The following AXL variants were observed in gnomAD, a reference collection of about 807,000 sequenced individuals.
AXL encodes the protein tyrosine-protein kinase receptor UFO.
Under a neutral mutation model 104.5 loss-of-function variants are expected in AXL, and 52 were observed. The observed-to-expected ratio is 0.50, with a 90% CI of 0.40 to 0.63. The LOEUF is 0.63. Among genes scored for constraint, AXL ranks in the 20% least tolerant of loss-of-function variants. The pLI, the probability that AXL is intolerant of heterozygous loss-of-function variation, is 0.00. For missense variants in AXL, 1,024 were observed against 1,188.5 expected (o/e 0.86, Z 2.04); for synonymous variants, 455 against 473.7 (o/e 0.96, Z 0.51).
At chr19:41,240,783 A>G (rs2034168574) in intron 10 of AXL, among the ~76,000 whole-genome samples, 1 of 152,072 alleles carries the variant, frequency 6.6e-6, no homozygotes, top group Admixed American at 6.6e-5. Context: ...CCTTGTATGC[A>G]CTTACCATAC....
At chr19:41,257,790 A>G (rs557490980) in intron 19 of AXL, among the ~76,000 whole-genome samples, 161 bp downstream of exon 19, 2 of 152,280 alleles carry the variant, frequency 1.3e-5, no homozygotes, top group Non-Finnish European at 2.9e-5. Flanking sequence ...TAGGGCCATC[A>G]CTAACCAGTG....
chr19:41,235,230 A>G (rs2034057760), intron 6 of AXL, among the ~76,000 whole-genome samples: 2 of 152,092 alleles, frequency 1.3e-5, no homozygotes, highest in Admixed American at 6.6e-5. Flanking sequence ...GCATGCCTGT[A>G]ATCCTAGCTA....
intron 6 of AXL, among the ~76,000 whole-genome samples, chr19:41,231,930 A>G (rs2033995850): frequency 7.1e-6 from 1 of 140,484 alleles, no homozygotes; most frequent in South Asian, 2.6e-4. Context: ...CTGTCTCAAA[A>G]AAAAAAAAGA....
chr19:41,259,460 G>A, intron 19 of AXL, 93 bp from the exon 20 acceptor site: 1 of 1,104,934 alleles, frequency 9.1e-7, no homozygotes, highest in Non-Finnish European at 1.3e-6. Flanking sequence ...AATGCCCCCA[G>A]TCCCCTGAGT....
chr19:41,238,188 G>T, intron 7 of AXL, 34 bp downstream of exon 7: 1 of 1,605,994 alleles, frequency 6.2e-7, no homozygotes, highest in South Asian at 1.1e-5. Flanking sequence ...CGTCACCACT[G>T]CCCCACCGGA....
chr19:41,235,338 C>T (rs549946203), intron 6 of AXL, among the ~76,000 whole-genome samples: 1 of 151,056 alleles, frequency 6.6e-6, no homozygotes, highest in South Asian at 2.1e-4. Context: ...GCAACAAGAG[C>T]GAAACTCCAT....
chr19:41,261,645 C>G lies in AXL; in HGVS notation c.*1741C>G, dbSNP rs907929749. Reference sequence around the variant, plus strand: ...TGCCTCCTTTCCCGCAGGGGATGGACGATCTCCCACCTTTCGGGCCATGTT... The same window carrying G: ...TGCCTCCTTTCCCGCAGGGGATGGAGGATCTCCCACCTTTCGGGCCATGTT... On this transcript the variant is annotated 3_prime_UTR_variant, in exon 20 of 20. Coordinates refer to ENST00000301178, the MANE Select transcript of AXL (RefSeq NM_021913.5). 1.3e-5 allele frequency: 2 copies of G among 152,648 alleles called. No homozygotes were observed. The highest frequency in any genetic ancestry group is 4.8e-5 in the African/African-American group (2 of 41,442). 9.5% of individuals were successfully genotyped at this position (152,648 alleles called of 1,614,324 possible). A position where few individuals can be genotyped will look rare whatever the true frequency, so the allele number is the denominator to read the frequency against.
chr19:41,232,948 C>T lies in AXL; in HGVS notation c.783+1650C>T, dbSNP rs115566005. The stretch of plus-strand genomic sequence containing the variant: ...AGATTGTCCAAGGTCACATCAAACC[C>T]ATGTCATGCTCCTAACCTCCTTAGA... On this transcript the variant is annotated intron_variant, in intron 6 of 19. Transcript: ENST00000301178. Among the ~76,000 whole-genome samples the T allele has an allele frequency of 7.8e-3, 1,190 of 152,146 alleles. 19 individuals carry two copies. Among genetic ancestry groups the T allele is most frequent in the African/African-American group, 0.027 (1,119 of 41,532 alleles).
At chr19:41,229,939 G>A (rs1016940574) in intron 4 of AXL, among the ~76,000 whole-genome samples, 1 of 152,096 alleles carries the variant, frequency 6.6e-6, no homozygotes, top group African/African-American at 2.4e-5. Context: ...GTTTGTGCAT[G>A]TGAGTGTGTG....
chr19:41,226,152 G>A (rs949976438), intron 4 of AXL, among the ~76,000 whole-genome samples: 6 of 152,092 alleles, frequency 3.9e-5, no homozygotes, highest in Admixed American at 3.9e-4. Context: ...CCGCGCCCCC[G>A]AAGCCGGCCG....
intron 19 of AXL, among the ~76,000 whole-genome samples, 158 bp from the exon 20 acceptor site, chr19:41,259,395 T>C (rs2034500446): frequency 6.6e-6 from 1 of 152,016 alleles, no homozygotes. Flanking sequence ...TTCTTGGGAA[T>C]TCCCAAATCC....
At chr19:41,241,216 G>A (rs1393740670) in intron 10 of AXL, among the ~76,000 whole-genome samples, 1 of 152,058 alleles carries the variant, frequency 6.6e-6, no homozygotes, top group East Asian at 1.9e-4. Context: ...TGCCCCTTTG[G>A]ATATTTATTT....
In AXL at chr19:41,221,925, C is replaced by T. The variant is rs377289020; in HGVS notation, c.455C>T (p.Ala152Val). The change falls in exon 4 of 20, where the codon GCC becomes GTC. Residue 152 changes from alanine to valine, a missense_variant. Transcript: ENST00000301178. ...GAGCCCGAAGACAGGACTGTGGCCGCCAACACCCCCTTCAACCTGAGCTGC... is the reference window on the plus strand; with the variant it reads ...GAGCCCGAAGACAGGACTGTGGCCGTCAACACCCCCTTCAACCTGAGCTGC... ...LEEPEDRTVA[A>V]NTPFNLSCQA... 1 of 1,613,734 alleles carries T rather than the reference C, an allele frequency of 6.2e-7. No homozygotes were observed.
chr19:41,253,153 T>A (rs988667747), intron 16 of AXL, among the ~76,000 whole-genome samples, 186 bp downstream of exon 16: 3 of 152,076 alleles, frequency 2.0e-5, no homozygotes, highest in Non-Finnish European at 4.4e-5. Context: ...TTTAAATGTT[T>A]AAGTGCTAGG....
chr19:41,253,438 G>A (rs1172708565), intron 16 of AXL, among the ~76,000 whole-genome samples, 161 bp from the exon 17 acceptor site: 1 of 152,154 alleles, frequency 6.6e-6, no homozygotes, highest in African/African-American at 2.4e-5. Flanking sequence ...GCTGGAGCAA[G>A]TTTATAGGAC....
At chr19:41,235,361 AATAAATAAATAGATAGATAGATAG>A (rs1379639886) in intron 6 of AXL, among the ~76,000 whole-genome samples, 1 of 89,006 alleles carries the variant, frequency 1.1e-5, no homozygotes, top group African/African-American at 6.7e-5. Flanking sequence ...CAAATAAATA[AATAAATAAATAGATAGATAGATAG>A]ATAGATAGAT....
intron 4 of AXL, among the ~76,000 whole-genome samples, chr19:41,230,534 G>A (rs1293372140): frequency 6.7e-6 from 1 of 149,352 alleles, no homozygotes; most frequent in South Asian, 2.1e-4. Flanking sequence ...GTGTGTGTCT[G>A]TGTCTGTGTG....
intron 6 of AXL, among the ~76,000 whole-genome samples, chr19:41,237,479 A>G (rs1284175269): frequency 6.6e-6 from 1 of 152,062 alleles, no homozygotes; most frequent in East Asian, 1.9e-4. Flanking sequence ...CCTAACCTCA[A>G]GTGATCGCCC....
intron 3 of AXL, chr19:41,221,598 C>T (rs930671708): frequency 3.9e-6 from 2 of 512,856 alleles, no homozygotes; most frequent in Non-Finnish European, 6.9e-6. Flanking sequence ...CCAGCGGTCT[C>T]TTTTTTCTCA....
Sources: gnomAD v4.1 joint callset for allele counts (sites outside exome capture counted in the v4.1 genomes callset) on GRCh38, gnomAD v4.1.1 for gene constraint, MANE v1.5 for transcripts, NCBI Gene and HGNC (gene_info 2026-07-23, HGNC 2026-07-21) for gene names.